Variants in ARL15 observed in about 807,000 individuals in gnomAD.
ARL15 encodes ARF like GTPase 15.
Under a neutral mutation model 25.2 loss-of-function variants are expected in ARL15, and 19 were observed. The ratio of observed to expected loss-of-function variants is 0.75; its 90% confidence interval spans 0.53 to 1.10. ARL15 has a LOEUF of 1.10. ARL15 is among the 50% of genes least tolerant of loss of function. The pLI is 0.00. For synonymous variants in ARL15, 94 were observed against 86.8 expected, an observed-to-expected ratio of 1.08 and a Z score of -0.46; for missense variants, 220 against 246.0, an observed-to-expected ratio of 0.89 and a Z score of 0.71.
chr5:54,291,947 C>A (rs1478693144), intron 1 of ARL15, among the ~76,000 whole-genome samples: 1 of 152,188 alleles, frequency 6.6e-6, no homozygotes, highest in Non-Finnish European at 1.5e-5. Flanking sequence ...CATCTGATAC[C>A]CCAACCTCTG....
At chr5:54,286,981 A>G (rs1758197589) in intron 1 of ARL15, among the ~76,000 whole-genome samples, 1 of 151,588 alleles carries the variant, frequency 6.6e-6, no homozygotes, top group East Asian at 1.9e-4. Flanking sequence ...TGCCTCAAGC[A>G]ATCCTCCCAC....
At chr5:53,917,788 T>C (rs36026821) in intron 4 of ARL15, among the ~76,000 whole-genome samples, 2 of 152,162 alleles carry the variant, frequency 1.3e-5, no homozygotes, top group African/African-American at 2.4e-5. Context: ...TAATCCCTCA[T>C]CTATCAAACT....
At chr5:54,173,864 A>G (rs1754787967) in intron 1 of ARL15, among the ~76,000 whole-genome samples, 1 of 150,174 alleles carries the variant, frequency 6.7e-6, no homozygotes, top group Admixed American at 6.8e-5. Flanking sequence ...ACTCCCCTAC[A>G]TCCTCCAGCC....
chr5:53,907,479 T>TAC (rs1443586770), intron 4 of ARL15, among the ~76,000 whole-genome samples: 15 of 35,214 alleles, frequency 4.3e-4, no homozygotes, highest in African/African-American at 1.8e-3. Context: ...TATATATATA[T>TAC]ATATATATAT....
intron 4 of ARL15, among the ~76,000 whole-genome samples, chr5:54,006,092 G>GT (rs1428447616): frequency 1.4e-5 from 2 of 142,774 alleles, no homozygotes; most frequent in Admixed American, 7.0e-5. Context: ...TTTATTGACT[G>GT]TTTTTGTTTA....
chr5:54,031,021 C>G (rs989668106), intron 4 of ARL15, among the ~76,000 whole-genome samples: 1 of 152,122 alleles, frequency 6.6e-6, no homozygotes, highest in Non-Finnish European at 1.5e-5. Context: ...CTGCTTATTT[C>G]TATACACGTG....
intron 3 of ARL15, among the ~76,000 whole-genome samples, chr5:54,143,237 T>G (rs1753818468): frequency 1.3e-5 from 2 of 152,096 alleles, no homozygotes; most frequent in African/African-American, 4.8e-5. Context: ...ATCTGTTGAC[T>G]TTACATTTCT....
chr5:54,063,268 T>G lies in ARL15; in HGVS notation c.462+49934A>C, dbSNP rs115939891. On this transcript the variant is annotated intron_variant, in intron 4 of 4. Transcript: ENST00000504924. ...GTGACAAGTTGAGGGATCTGTGGCT[T>G]GATAGACGTTTCCTAGGAAATGAGG... 1.1e-3 allele frequency among the ~76,000 whole-genome samples: 173 copies of G among 152,330 alleles called. 2 individuals are homozygous for G. Among genetic ancestry groups the G allele is most frequent in the Non-Finnish European group, 1.4e-3 (92 of 68,032 alleles).
chr5:53,935,609 G>A (rs541405478), intron 4 of ARL15, among the ~76,000 whole-genome samples: 2 of 152,296 alleles, frequency 1.3e-5, no homozygotes, highest in Admixed American at 1.3e-4. Flanking sequence ...TGTACTTCAA[G>A]GTTTTCTGGA....
chr5:54,127,044 C>T (rs1482827970), intron 3 of ARL15, among the ~76,000 whole-genome samples: 1 of 152,042 alleles, frequency 6.6e-6, no homozygotes, highest in East Asian at 1.9e-4. Context: ...TGTTCCCCTT[C>T]CTGTGTCCAT....
chr5:54,099,148 T>G (rs546617903), intron 4 of ARL15, among the ~76,000 whole-genome samples: 1 of 152,306 alleles, frequency 6.6e-6, no homozygotes, highest in East Asian at 1.9e-4. Context: ...CTCCCTCATT[T>G]CTTCTATGCT....
At chr5:53,981,549 T>C (rs1748119296) in intron 4 of ARL15, among the ~76,000 whole-genome samples, 1 of 152,164 alleles carries the variant, frequency 6.6e-6, no homozygotes, top group Non-Finnish European at 1.5e-5. Flanking sequence ...CTTATAAGGA[T>C]TCCTAATTTA....
chr5:53,959,293 G>T (rs1234927893), intron 4 of ARL15, among the ~76,000 whole-genome samples: 2 of 152,128 alleles, frequency 1.3e-5, no homozygotes, highest in Non-Finnish European at 2.9e-5. Flanking sequence ...GCACTGTTAA[G>T]CCAAATGACT....
At chr5:54,310,320 C>A (rs1758863396) in intron 1 of ARL15, 112 bp downstream of exon 1, 2 of 1,248,310 alleles carry the variant, frequency 1.6e-6, no homozygotes, top group South Asian at 2.9e-5. Flanking sequence ...GAAAGAACCC[C>A]AGAGGCATCC....
At chr5:54,086,679 G>A (rs1158812813) in intron 4 of ARL15, among the ~76,000 whole-genome samples, 1 of 151,914 alleles carries the variant, frequency 6.6e-6, no homozygotes, top group Non-Finnish European at 1.5e-5. Flanking sequence ...ACATGCTATA[G>A]CCAAAAAATA....
chr5:54,157,453 C>T (rs977351407), intron 2 of ARL15, among the ~76,000 whole-genome samples: 9 of 152,172 alleles, frequency 5.9e-5, no homozygotes, highest in South Asian at 2.1e-4. Flanking sequence ...GCTCTGTCAC[C>T]CAGGCTGGGG....
intron 1 of ARL15, among the ~76,000 whole-genome samples, chr5:54,308,131 TG>T (rs1758808818): frequency 6.6e-6 from 1 of 152,226 alleles, no homozygotes; most frequent in Non-Finnish European, 1.5e-5. Context: ...TCATTTTCTC[TG>T]AAAGTCGACA....
At chr5:54,259,986 G>A (rs1757460749) in intron 1 of ARL15, among the ~76,000 whole-genome samples, 1 of 152,170 alleles carries the variant, frequency 6.6e-6, no homozygotes, top group South Asian at 2.1e-4. Context: ...GGAAATGCTA[G>A]AATTCATTCG....
At chr5:54,019,071 G>A (rs1749510445) in intron 4 of ARL15, among the ~76,000 whole-genome samples, 1 of 151,478 alleles carries the variant, frequency 6.6e-6, no homozygotes, top group South Asian at 2.1e-4. Context: ...TAAATTTAAT[G>A]AAAAAATATG....
Sources: gnomAD v4.1 joint callset for allele counts (sites outside exome capture counted in the v4.1 genomes callset) on GRCh38, gnomAD v4.1.1 for gene constraint, MANE v1.5 for transcripts, NCBI Gene and HGNC (gene_info 2026-07-23, HGNC 2026-07-21) for gene names.